PPP3CA: variants seen among roughly 807,000 people sequenced by gnomAD.
The protein encoded by PPP3CA is CAM-PRP catalytic subunit.
A neutral mutation model predicts 66.5 loss-of-function variants in PPP3CA; 14 were observed. The observed-to-expected ratio is 0.21, with a 90% CI of 0.14 to 0.33. The LOEUF is 0.33. Among genes scored for constraint, PPP3CA ranks in the 10% least tolerant of loss-of-function variants. The probability of loss-of-function intolerance (pLI) is 1.00; values close to 1 mark genes in which losing one functional copy is unlikely to be tolerated. For synonymous variants in PPP3CA, 232 were observed against 226.2 expected, an observed-to-expected ratio of 1.03 and a Z score of -0.23; for missense variants, 317 against 639.5, an observed-to-expected ratio of 0.50 and a Z score of 5.44.
At chr4:101,254,055 CA>C (rs1169975020) in intron 1 of PPP3CA, among the ~76,000 whole-genome samples, 1 of 151,908 alleles carries the variant, frequency 6.6e-6, no homozygotes, top group Non-Finnish European at 1.5e-5. Context: ...CAGGTAAAAT[CA>C]AAAGCAAAAT....
rs2110190771 is a variant in PPP3CA, at chr4:101,196,126, G to A, written c.59-10C>T. On this transcript the variant is annotated splice_polypyrimidine_tract_variant and intron_variant, in intron 1 of 13. Transcript: ENST00000394854. ...GGAGGAAATGGAACAGCTGAAAGAA[G>A]AAAGGTCTAATTATTACATTAGCCA... 1 of 1,612,784 alleles carries A rather than the reference G, an allele frequency of 6.2e-7. No homozygotes were observed. Among genetic ancestry groups the A allele is most frequent in the Non-Finnish European group, 8.5e-7 (1 of 1,179,426 alleles).
chr4:101,083,333 C>T, intron 6 of PPP3CA, 70 bp from the exon 7 acceptor site: 1 of 1,305,434 alleles, frequency 7.7e-7, no homozygotes, highest in Non-Finnish European at 1.1e-6. Flanking sequence ...TTATCTCTAA[C>T]ATCCAGATCT....
At chr4:101,049,051 G>A (rs1047667321) in intron 10 of PPP3CA, among the ~76,000 whole-genome samples, 21 of 152,140 alleles carry the variant, frequency 1.4e-4, no homozygotes, top group African/African-American at 4.8e-4. Context: ...CTTTGGATAG[G>A]AAGTCTTAAA....
At chr4:101,145,676 C>A (rs569778391) in intron 2 of PPP3CA, among the ~76,000 whole-genome samples, 1 of 151,712 alleles carries the variant, frequency 6.6e-6, no homozygotes. Flanking sequence ...CTAATGGTTA[C>A]AAAAAATAAT....
intron 2 of PPP3CA, among the ~76,000 whole-genome samples, chr4:101,130,177 A>G (rs1560617544): frequency 6.6e-6 from 1 of 152,052 alleles, no homozygotes; most frequent in Non-Finnish European, 1.5e-5. Context: ...TTAATGAAAC[A>G]GAGCATGAAG....
At chr4:101,060,400 T>G (rs1353004462) in intron 10 of PPP3CA, among the ~76,000 whole-genome samples, 2 of 152,166 alleles carry the variant, frequency 1.3e-5, no homozygotes, top group Non-Finnish European at 2.9e-5. Flanking sequence ...AGTTTGCTCT[T>G]ATGCTTTTCT....
chr4:101,293,282 C>A (rs550891383), intron 1 of PPP3CA, among the ~76,000 whole-genome samples: 1 of 152,186 alleles, frequency 6.6e-6, no homozygotes, highest in South Asian at 2.1e-4. Flanking sequence ...TATTATCCCC[C>A]CTTTTCTGTC....
At chr4:101,118,956 A>ATTTTTTTTT (rs201507463) in intron 2 of PPP3CA, among the ~76,000 whole-genome samples, 1 of 129,942 alleles carries the variant, frequency 7.7e-6, no homozygotes, top group African/African-American at 3.0e-5. Context: ...GAACTTACAG[A>ATTTTTTTTT]TTTTTTTTTT....
chr4:101,278,192 A>C (rs1727573268), intron 1 of PPP3CA, among the ~76,000 whole-genome samples: 1 of 151,718 alleles, frequency 6.6e-6, no homozygotes, highest in Non-Finnish European at 1.5e-5. Flanking sequence ...AATGTTATGA[A>C]ATAAATTTAA....
At chr4:101,291,387 G>A (rs1331969342) in intron 1 of PPP3CA, among the ~76,000 whole-genome samples, 1 of 152,200 alleles carries the variant, frequency 6.6e-6, no homozygotes, top group East Asian at 1.9e-4. Context: ...TGTAATCTGA[G>A]GATTGCCTTC....
intron 1 of PPP3CA, among the ~76,000 whole-genome samples, chr4:101,272,582 C>T (rs542532490): frequency 6.6e-6 from 1 of 152,312 alleles, no homozygotes; most frequent in Non-Finnish European, 1.5e-5. Context: ...AGAAGTAGCA[C>T]ACAAAATTAT....
chr4:101,149,576 A>G (rs1423949782), intron 2 of PPP3CA, among the ~76,000 whole-genome samples: 1 of 152,122 alleles, frequency 6.6e-6, no homozygotes, highest in Non-Finnish European at 1.5e-5. Flanking sequence ...CTGCTGAAGT[A>G]TTAGGTACTA....
At chr4:101,135,511 T>C (rs1326486036) in intron 2 of PPP3CA, among the ~76,000 whole-genome samples, 6 of 152,202 alleles carry the variant, frequency 3.9e-5, no homozygotes. Flanking sequence ...AAAAACAGAA[T>C]CAATGGCAGC....
intron 1 of PPP3CA, among the ~76,000 whole-genome samples, chr4:101,314,448 C>T (rs1728823451): frequency 6.6e-6 from 1 of 151,628 alleles, no homozygotes; most frequent in Non-Finnish European, 1.5e-5. Context: ...CCTGTAGTCC[C>T]AGCTACTCCG....
At chr4:101,272,282 C>T (rs1408907542) in intron 1 of PPP3CA, among the ~76,000 whole-genome samples, 1 of 152,240 alleles carries the variant, frequency 6.6e-6, no homozygotes, top group South Asian at 2.1e-4. Flanking sequence ...GGAAGTACTA[C>T]TAGTTCCATT....
chr4:101,061,439 T>C (rs1303358464), intron 9 of PPP3CA, among the ~76,000 whole-genome samples: 1 of 152,108 alleles, frequency 6.6e-6, no homozygotes, highest in Non-Finnish European at 1.5e-5. Context: ...GTGAATATAC[T>C]ACAAATCAAT....
chr4:101,271,547 A>G (rs559050886), intron 1 of PPP3CA, among the ~76,000 whole-genome samples: 12 of 152,290 alleles, frequency 7.9e-5, no homozygotes, highest in Non-Finnish European at 1.6e-4. Context: ...ACACAAATAA[A>G]AAAGCATAAT....
intron 8 of PPP3CA, among the ~76,000 whole-genome samples, chr4:101,077,825 T>C (rs74725304): frequency 1.1e-5 from 1 of 87,086 alleles, no homozygotes; most frequent in African/African-American, 5.7e-5. Context: ...CTGGTATCTG[T>C]TTTTTTTTTT....
chr4:101,270,460 A>C, intron 1 of PPP3CA, among the ~76,000 whole-genome samples: 1 of 152,214 alleles, frequency 6.6e-6, no homozygotes, highest in East Asian at 1.9e-4. Context: ...ATATGTTTAA[A>C]GACACAAACA....
Sources: gnomAD v4.1 joint callset for allele counts (sites outside exome capture counted in the v4.1 genomes callset) on GRCh38, gnomAD v4.1.1 for gene constraint, MANE v1.5 for transcripts, NCBI Gene and HGNC (gene_info 2026-07-23, HGNC 2026-07-21) for gene names.